GPC5: variants seen among roughly 807,000 people sequenced by gnomAD.
The protein encoded by GPC5 is glypican-5.
GPC5 carries 47 observed loss-of-function variants against 53.9 expected under a neutral mutation model. The observed-to-expected ratio is 0.87, with a 90% CI of 0.69 to 1.11. The LOEUF is 1.11. Among genes scored for constraint, GPC5 ranks in the 50% most tolerant of loss-of-function variants. The pLI is 0.00. For missense variants in GPC5, 748 were observed against 713.1 expected (o/e 1.05, Z -0.56); for synonymous variants, 286 against 263.3 (o/e 1.09, Z -0.84).
intron 7 of GPC5, among the ~76,000 whole-genome samples, chr13:92,222,254 G>C (rs1801829484): frequency 6.6e-6 from 1 of 152,184 alleles, no homozygotes; most frequent in Non-Finnish European, 1.5e-5. Flanking sequence ...AGGTTAAAAA[G>C]GGGAAGATGG....
intron 2 of GPC5, among the ~76,000 whole-genome samples, chr13:91,596,457 A>G (rs139585364): frequency 4.2e-4 from 64 of 152,346 alleles, no homozygotes; most frequent in Admixed American, 7.2e-4. Context: ...TACACTGTCA[A>G]TTCTGCATTG....
At chr13:92,613,754 A>G (rs1411651578) in intron 7 of GPC5, among the ~76,000 whole-genome samples, 1 of 147,576 alleles carries the variant, frequency 6.8e-6, no homozygotes, top group Non-Finnish European at 1.5e-5. Context: ...GGTACTCAGA[A>G]GGCTGAGGCA....
intron 2 of GPC5, among the ~76,000 whole-genome samples, chr13:91,527,059 C>G (rs1043888905): frequency 2.6e-5 from 4 of 152,150 alleles, no homozygotes; most frequent in African/African-American, 7.2e-5. Flanking sequence ...TATCATTCTG[C>G]CCCTGGCCCC....
At chr13:91,793,993 T>C (rs2038009784) in intron 5 of GPC5, among the ~76,000 whole-genome samples, 1 of 152,182 alleles carries the variant, frequency 6.6e-6, no homozygotes, top group South Asian at 2.1e-4. Context: ...TTTGAGACTT[T>C]ATGCTAAAAT....
intron 7 of GPC5, among the ~76,000 whole-genome samples, chr13:92,787,043 T>C (rs533254660): frequency 6.3e-4 from 96 of 152,286 alleles, no homozygotes; most frequent in African/African-American, 2.2e-3. Flanking sequence ...GTCTTTCTTT[T>C]AACAGCTTCA....
chr13:91,712,316 ATG>A (rs910791795), intron 3 of GPC5, among the ~76,000 whole-genome samples: 3 of 150,818 alleles, frequency 2.0e-5, no homozygotes, highest in East Asian at 1.9e-4. Flanking sequence ...GTGTGTGTAT[ATG>A]TGTGTGTGTG....
intron 2 of GPC5, among the ~76,000 whole-genome samples, chr13:91,481,445 T>C (rs1475619615): frequency 1.3e-5 from 2 of 152,190 alleles, no homozygotes; most frequent in Non-Finnish European, 2.9e-5. Context: ...CCCTATGACC[T>C]GCTAAACTCT....
chr13:92,054,543 G>A (rs2138843455), intron 6 of GPC5, among the ~76,000 whole-genome samples: 1 of 152,248 alleles, frequency 6.6e-6, no homozygotes, highest in Middle Eastern at 3.4e-3. Context: ...ATAAAATGAA[G>A]CTTACAGGAT....
intron 7 of GPC5, among the ~76,000 whole-genome samples, chr13:92,474,367 A>G (rs1413188873): frequency 6.6e-6 from 1 of 152,006 alleles, no homozygotes; most frequent in Non-Finnish European, 1.5e-5. Context: ...AACTGGGAAG[A>G]CTTTAAAATG....
chr13:92,771,282 C>T (rs1319753366), intron 7 of GPC5, among the ~76,000 whole-genome samples: 2 of 152,136 alleles, frequency 1.3e-5, no homozygotes, highest in Admixed American at 6.5e-5. Flanking sequence ...TCATGCTACC[C>T]ATCTCAAGAA....
At chr13:91,509,738 C>A (rs1031346613) in intron 2 of GPC5, among the ~76,000 whole-genome samples, 1 of 151,998 alleles carries the variant, frequency 6.6e-6, no homozygotes, top group Non-Finnish European at 1.5e-5. Context: ...TAGTCATGAT[C>A]TATTTTATTA....
chr13:91,659,822 G>A (rs1475229449), intron 2 of GPC5, among the ~76,000 whole-genome samples: 1 of 152,102 alleles, frequency 6.6e-6, no homozygotes, highest in African/African-American at 2.4e-5. Flanking sequence ...AGTGTAGGCT[G>A]GACTTAATTG....
intron 7 of GPC5, among the ~76,000 whole-genome samples, chr13:92,474,087 A>G (rs572465408): frequency 2.0e-5 from 3 of 152,140 alleles, no homozygotes; most frequent in African/African-American, 7.2e-5. Flanking sequence ...ATTCTAAATA[A>G]CAGCATAAAC....
intron 2 of GPC5, among the ~76,000 whole-genome samples, chr13:91,458,051 A>G (rs1263884382): frequency 6.6e-6 from 1 of 152,136 alleles, no homozygotes; most frequent in East Asian, 1.9e-4. Flanking sequence ...AGGGGGATGG[A>G]AATACTAGAG....
chr13:92,495,772 A>T (rs1287569326), intron 7 of GPC5, among the ~76,000 whole-genome samples: 1 of 151,994 alleles, frequency 6.6e-6, no homozygotes, highest in Non-Finnish European at 1.5e-5. Context: ...ATAACACTTA[A>T]AAGTGTCTTC....
intron 7 of GPC5, among the ~76,000 whole-genome samples, chr13:92,455,603 A>T (rs1878233407): frequency 1.3e-5 from 2 of 152,206 alleles, no homozygotes; most frequent in Non-Finnish European, 2.9e-5. Flanking sequence ...GACTAATCAT[A>T]GGTATGAAAA....
intron 7 of GPC5, among the ~76,000 whole-genome samples, chr13:92,514,107 G>A (rs771644441): frequency 1.1e-4 from 16 of 151,410 alleles, no homozygotes; most frequent in Admixed American, 6.6e-4. Flanking sequence ...GAAGGGGTAT[G>A]ATTTTTACTG....
chr13:92,107,375 GA>G (rs1339619152), intron 6 of GPC5, among the ~76,000 whole-genome samples: 1 of 151,720 alleles, frequency 6.6e-6, no homozygotes, highest in Non-Finnish European at 1.5e-5. Context: ...ATATTTTTAG[GA>G]CAGTTTCTTG....
chr13:92,101,210 CT>C lies in GPC5; in HGVS notation c.1402-43611del, dbSNP rs200874004. On this transcript the variant is annotated intron_variant, in intron 6 of 7. Transcript: ENST00000377067. Reference sequence around the variant, plus strand: ...TCTTACCACATTCCCTCTTATTTTTCTTTTTTTTTCCATGTTGCTTTTAATT... The same window carrying C: ...TCTTACCACATTCCCTCTTATTTTTCTTTTTTTTCCATGTTGCTTTTAATT... Among the ~76,000 whole-genome samples, 10 of 151,494 alleles carry C rather than the reference CT, an allele frequency of 6.6e-5. No homozygotes were observed. The South Asian group carries it at 8.4e-4, about 13-fold the overall frequency.
Sources: allele counts gnomAD v4.1 joint callset (sites outside exome capture counted in the v4.1 genomes callset), GRCh38; gene constraint gnomAD v4.1.1; transcripts MANE v1.5; gene names NCBI Gene and HGNC (gene_info 2026-07-23, HGNC 2026-07-21).